RANBP2: variants seen among roughly 807,000 people sequenced by gnomAD.
RANBP2 encodes the protein RAN binding protein 2, also known as E3 SUMO-protein ligase RanBP2.
A neutral mutation model predicts 303.6 loss-of-function variants in RANBP2; 57 were observed. That is an observed-to-expected ratio of 0.19 (90% CI 0.15 to 0.23). The LOEUF (loss-of-function observed/expected upper bound fraction) is 0.23. RANBP2 is among the 10% of genes least tolerant of loss of function. RANBP2 has a pLI of 1.00. For synonymous variants in RANBP2, 1,167 were observed against 1,301.5 expected (o/e 0.90, Z 2.23); for missense variants, 3,138 against 3,780.8 (o/e 0.83, Z 4.46).
chr2:109,518,356 T>TATGA, the RANBP2 span, among the ~76,000 whole-genome samples: 4 of 152,182 alleles, frequency 2.6e-5, no homozygotes, highest in African/African-American at 9.7e-5. Context: ...ACAAGCACCC[T>TATGA]ATGAGGACTC....
At chr2:109,275,313 A>G in the RANBP2 span, among the ~76,000 whole-genome samples, 1 of 152,276 alleles carries the variant, frequency 6.6e-6, no homozygotes, top group Middle Eastern at 3.4e-3. Context: ...ACCAGGGGAA[A>G]TCAGATCACC....
chr2:109,457,632 G>A, the RANBP2 span, among the ~76,000 whole-genome samples: 1,172 of 152,342 alleles, frequency 7.7e-3, 11 homozygotes, highest in Non-Finnish European at 0.011. Flanking sequence ...ATGGCCGGGA[G>A]CCCCGGCACA....
the RANBP2 span, among the ~76,000 whole-genome samples, chr2:109,536,878 GCTCT>G: frequency 3.0e-3 from 459 of 152,304 alleles, 5 homozygotes; most frequent in South Asian, 0.028. Context: ...CCCTGCACAA[GCTCT>G]CTCTTTGCCT....
At chr2:108,980,343 G>C in the RANBP2 span, among the ~76,000 whole-genome samples, 1 of 152,108 alleles carries the variant, frequency 6.6e-6, no homozygotes. Flanking sequence ...CCCTTGGGAG[G>C]CTCTGGAGAG....
the RANBP2 span, among the ~76,000 whole-genome samples, chr2:109,078,185 ATATATATATAGCGT>A: frequency 2.4e-5 from 1 of 40,874 alleles, no homozygotes; most frequent in African/African-American, 9.9e-5. Context: ...TATATATAGC[ATATATATATAGCGT>A]ATATATATAG....
At chr2:108,786,946 G>T (rs758307415), downstream of RANBP2, 4 of 1,432,692 alleles carry the variant, frequency 2.8e-6, no homozygotes, top group Non-Finnish European at 2.8e-6. Context: ...CCGCGGGTGG[G>T]CTCCTGCTGC....
chr2:109,168,026 C>G, the RANBP2 span, among the ~76,000 whole-genome samples: 4 of 152,094 alleles, frequency 2.6e-5, no homozygotes, highest in African/African-American at 9.7e-5. Context: ...GGGAGGGAAG[C>G]CTGTTCTGTG....
At chr2:108,843,062 A>G in the RANBP2 span, among the ~76,000 whole-genome samples, 1 of 152,064 alleles carries the variant, frequency 6.6e-6, no homozygotes, top group Non-Finnish European at 1.5e-5. Flanking sequence ...TTTGTTTACT[A>G]TGTTCTTCTC....
chr2:109,249,810 C>T, the RANBP2 span, among the ~76,000 whole-genome samples: 1 of 151,578 alleles, frequency 6.6e-6, no homozygotes, highest in African/African-American at 2.4e-5. Flanking sequence ...GCGCCCGCCA[C>T]CGCGCCCGGC....
At chr2:108,960,228 C>A in the RANBP2 span, among the ~76,000 whole-genome samples, 1 of 152,176 alleles carries the variant, frequency 6.6e-6, no homozygotes, top group African/African-American at 2.4e-5. Context: ...CTCTATTTGT[C>A]CACAAGAGCC....
At chr2:108,856,568 C>T in the RANBP2 span, among the ~76,000 whole-genome samples, 94 of 152,248 alleles carry the variant, frequency 6.2e-4, no homozygotes, top group Admixed American at 1.5e-3. Context: ...GGTGTTAAAA[C>T]ATGAAAATTC....
the RANBP2 span, among the ~76,000 whole-genome samples, chr2:108,854,570 C>T: frequency 6.6e-6 from 1 of 152,108 alleles, no homozygotes; most frequent in Non-Finnish European, 1.5e-5. Context: ...GTCTGTTAGA[C>T]TACATTAGTT....
At chr2:108,752,494 C>T (rs1001307357) in intron 12 of RANBP2, among the ~76,000 whole-genome samples, 4 of 151,310 alleles carry the variant, frequency 2.6e-5, no homozygotes, top group East Asian at 1.9e-4. Context: ...GTGTAGAGGC[C>T]GGGTGCGGTG....
chr2:108,800,932 C>A, the RANBP2 span, among the ~76,000 whole-genome samples: 1 of 114,892 alleles, frequency 8.7e-6, no homozygotes, highest in South Asian at 3.2e-4. Context: ...CCAGTTTCAT[C>A]CATGTCCCTA....
the RANBP2 span, among the ~76,000 whole-genome samples, chr2:109,533,360 T>C: frequency 6.6e-6 from 1 of 152,220 alleles, no homozygotes; most frequent in Non-Finnish European, 1.5e-5. Context: ...GTGCTCTCTG[T>C]GTATCTTTAA....
At chr2:109,364,864 G>A in the RANBP2 span, among the ~76,000 whole-genome samples, 2 of 152,054 alleles carry the variant, frequency 1.3e-5, no homozygotes, top group Non-Finnish European at 2.9e-5. Context: ...GCCAGTGCAG[G>A]CAGATTACTT....
chr2:109,255,992 C>G, the RANBP2 span, among the ~76,000 whole-genome samples: 1 of 152,164 alleles, frequency 6.6e-6, no homozygotes, highest in African/African-American at 2.4e-5. Flanking sequence ...GGAAGATTCC[C>G]TGTGTGTGCT....
At chr2:109,520,613 A>C in the RANBP2 span, among the ~76,000 whole-genome samples, 1 of 91,008 alleles carries the variant, frequency 1.1e-5, no homozygotes, top group African/African-American at 3.3e-5. Context: ...AAAAAAAAAA[A>C]AAAAAAAAAA....
the RANBP2 span, among the ~76,000 whole-genome samples, chr2:109,474,964 G>T: frequency 0.62 from 94,316 of 151,666 alleles, 29,609 homozygotes; most frequent in African/African-American, 0.7. Context: ...TTTTGTTTGG[G>T]TTTTTTTTGT....
Sources: gnomAD v4.1 joint callset for allele counts (sites outside exome capture counted in the v4.1 genomes callset) on GRCh38, gnomAD v4.1.1 for gene constraint, MANE v1.5 for transcripts, NCBI Gene and HGNC (gene_info 2026-07-23, HGNC 2026-07-21) for gene names.